Variants in ADRA1B observed in about 807,000 individuals in gnomAD.
ADRA1B encodes the protein adrenoceptor alpha 1B, also known as alpha-1B adrenergic receptor.
A neutral mutation model predicts 17.9 loss-of-function variants in ADRA1B; 17 were observed. That is an observed-to-expected ratio of 0.95 (90% CI 0.65 to 1.42). The LOEUF (loss-of-function observed/expected upper bound fraction) is 1.42, where lower values mean the gene tolerates loss of function less well. ADRA1B is among the 40% of genes most tolerant of loss of function. ADRA1B has a pLI of 0.00. For synonymous variants in ADRA1B, 366 were observed against 327.6 expected (o/e 1.12, Z -1.27); for missense variants, 681 against 722.1 (o/e 0.94, Z 0.65).
At chr5:159,875,452 C>T (rs1404842806) in intron 1 of ADRA1B, among the ~76,000 whole-genome samples, 1 of 152,146 alleles carries the variant, frequency 6.6e-6, no homozygotes, top group Non-Finnish European at 1.5e-5. Context: ...ACCCAAGTCA[C>T]AAATATATGA....
intron 1 of ADRA1B, among the ~76,000 whole-genome samples, chr5:159,882,307 A>G (rs1229034756): frequency 6.6e-6 from 1 of 152,192 alleles, no homozygotes; most frequent in African/African-American, 2.4e-5. Flanking sequence ...AGGTAGCAGG[A>G]AAGTGTACAG....
chr5:159,923,678 AG>A (rs1222893697), intron 1 of ADRA1B, among the ~76,000 whole-genome samples: 2 of 152,274 alleles, frequency 1.3e-5, no homozygotes, highest in African/African-American at 4.8e-5. Context: ...CCAACCCAAA[AG>A]CCAGGGGCTG....
chr5:159,953,394 G>A (rs1366244058), intron 1 of ADRA1B, among the ~76,000 whole-genome samples: 1 of 151,958 alleles, frequency 6.6e-6, no homozygotes, highest in Non-Finnish European at 1.5e-5. Context: ...TAGTGGCAAT[G>A]TCAAATAATG....
intron 1 of ADRA1B, chr5:159,950,579 C>A: frequency 1.6e-6 from 2 of 1,270,108 alleles, no homozygotes; most frequent in South Asian, 1.2e-5. Context: ...ATGAGCTTGA[C>A]AAAATGGTCT....
At chr5:159,877,708 A>G (rs562623433) in intron 1 of ADRA1B, among the ~76,000 whole-genome samples, 12 of 152,298 alleles carry the variant, frequency 7.9e-5, no homozygotes, top group African/African-American at 2.6e-4. Flanking sequence ...CCCATAAGGT[A>G]GGTACTGTCC....
At position 159,961,173 on chromosome 5, in the gene ADRA1B, G is replaced by A. The variant is rs150070523; in HGVS notation, c.950-10706G>A. Among the ~76,000 whole-genome samples, 83 of 152,226 alleles carry A rather than the reference G, an allele frequency of 5.5e-4. 2 individuals carry two copies. In the East Asian group the frequency reaches 0.015, roughly 27 times the overall value. On this transcript the variant is annotated intron_variant, in intron 1 of 1. Transcript: ENST00000306675. Reference sequence around the variant, plus strand: ...AGTAAAAACCCACACTTCAAAATTGGATTTTAATTAGAGTCCACCACATAC... The same window carrying A: ...AGTAAAAACCCACACTTCAAAATTGAATTTTAATTAGAGTCCACCACATAC...
chr5:159,961,380 T>C (rs1435781112), intron 1 of ADRA1B, among the ~76,000 whole-genome samples: 2 of 152,250 alleles, frequency 1.3e-5, no homozygotes, highest in African/African-American at 4.8e-5. Context: ...TTTCAGCATT[T>C]GTTTTAAAAC....
intron 1 of ADRA1B, among the ~76,000 whole-genome samples, chr5:159,960,406 G>T (rs1437760611): frequency 6.6e-6 from 1 of 152,212 alleles, no homozygotes; most frequent in Admixed American, 6.5e-5. Flanking sequence ...TGGGGCCAAG[G>T]GGGTCAACCC....
Position 159,917,147 on chromosome 5 carries a change from A to C in ADRA1B, c.242A>C (p.Asn81Thr). The C allele has an allele frequency of 6.2e-7, 1 of 1,614,058 alleles. No individual in the cohort carries two copies. ...ACNRHLRTPTNYFIVNLAMAD... is the reference protein window; with the variant it reads ...ACNRHLRTPTTYFIVNLAMAD... ...AACCGGCACCTGCGGACGCCCACCA[A>C]CTACTTCATTGTCAACCTGGCCATG... Residue 81 changes from asparagine to threonine, a missense_variant, in exon 1 of 2, where the codon AAC (asparagine) becomes ACC (threonine). Coordinates refer to ENST00000306675, the MANE Select transcript of ADRA1B (RefSeq NM_000679.4).
At chr5:159,973,039 G>C (rs1755917485), downstream of ADRA1B, among the ~76,000 whole-genome samples, 1 of 152,214 alleles carries the variant, frequency 6.6e-6, no homozygotes, top group South Asian at 2.1e-4. Flanking sequence ...GTGGACGAGC[G>C]GCAGGCAGAG....
chr5:159,913,167 C>G (rs1439985767), upstream of ADRA1B, among the ~76,000 whole-genome samples: 1 of 152,184 alleles, frequency 6.6e-6, no homozygotes, highest in Non-Finnish European at 1.5e-5. Flanking sequence ...TCAGAGGTTT[C>G]TAATGCAATA....
At position 159,972,135 on chromosome 5, in the gene ADRA1B, G is replaced by A; in HGVS notation, c.1206G>A (p.Ser402=). The A allele has an allele frequency of 7.5e-7, 1 of 1,334,562 alleles. No individual in the cohort carries two copies. Among genetic ancestry groups the A allele is most frequent in the South Asian group, 2.0e-5 (1 of 50,908 alleles). The allele number at this position is 1,334,562 out of a possible 1,614,324, so 82.7% of individuals were successfully genotyped here. The change falls in exon 2 of 2, where the codon TCG becomes TCA. Residue 402 remains serine (S), a synonymous_variant. Coordinates refer to ENST00000306675, the MANE Select transcript of ADRA1B (RefSeq NM_000679.4). ...GCGGCTCGCTGGAGCGCTCGCAGTC[G>A]CGCAAGGACTCGCTGGACGACAGCG... is the stretch of plus-strand genomic sequence containing the variant. ...TRGGSLERSQ[S]RKDSLDDSGS...
At chr5:159,984,371 T>C in the ADRA1B span, among the ~76,000 whole-genome samples, 1 of 152,194 alleles carries the variant, frequency 6.6e-6, no homozygotes, top group Non-Finnish European at 1.5e-5. Flanking sequence ...TTCCCCTGAT[T>C]GCACAAAATA....
chr5:159,866,110 T>C (rs1211820957), intron 1 of ADRA1B, among the ~76,000 whole-genome samples: 1 of 152,134 alleles, frequency 6.6e-6, no homozygotes, highest in African/African-American at 2.4e-5. Flanking sequence ...ATGCCCAGCC[T>C]GGGCAGCATA....
intron 1 of ADRA1B, among the ~76,000 whole-genome samples, chr5:159,937,286 T>G (rs1039154095): frequency 3.3e-5 from 5 of 152,180 alleles, no homozygotes; most frequent in African/African-American, 1.2e-4. Context: ...TCCCAGCAGA[T>G]TATGAGGAAG....
At chr5:159,897,121 G>A (rs763764050) in intron 1 of ADRA1B, among the ~76,000 whole-genome samples, 1 of 152,198 alleles carries the variant, frequency 6.6e-6, no homozygotes, top group Non-Finnish European at 1.5e-5. Context: ...GGAGGAAAAT[G>A]CAGCTTTTTA....
Position 159,879,356 on chromosome 5 carries a change from C to T in ADRA1B, c.-256+14150C>T, listed in dbSNP as rs200676778. On this transcript the variant is annotated intron_variant, in intron 1 of 2. Transcript: ENST00000641205. ...ACAGCGCTTCTGCTGGCTCCAGCAGCAACAGGCGCCTGCCTGTAAGCACGA... is the reference window on the plus strand; with the variant it reads ...ACAGCGCTTCTGCTGGCTCCAGCAGTAACAGGCGCCTGCCTGTAAGCACGA... Among the ~76,000 whole-genome samples, 21 of 152,280 alleles carry T rather than the reference C, an allele frequency of 1.4e-4. No homozygotes were observed. The East Asian group carries it at 2.9e-3, about 21-fold the overall frequency.
Position 159,881,299 on chromosome 5 carries a change from T to TTCTC in ADRA1B, c.-256+16137_-256+16140dup, listed in dbSNP as rs11471058. Among the ~76,000 whole-genome samples, 235 of 132,042 alleles carry TTCTC rather than the reference T, an allele frequency of 1.8e-3. 12 individuals are homozygous for TTCTC. The highest frequency in any genetic ancestry group is 2.1e-3 in the Non-Finnish European group (130 of 60,552). The allele number at this position is 132,042 out of a possible 152,430, so 86.6% of individuals were successfully genotyped here. A position where few individuals can be genotyped will look rare whatever the true frequency, so the allele number is the denominator to read the frequency against. On this transcript the variant is annotated intron_variant, in intron 1 of 2. Transcript: ENST00000641205. ...GTGGAATGAGAACAATATCAGAAAG[T>TTCTC]TCTCTCTCTCTCTCTCTCTCTCTCT...
At chr5:159,901,061 T>C (rs1754095256) in intron 1 of ADRA1B, among the ~76,000 whole-genome samples, 1 of 151,872 alleles carries the variant, frequency 6.6e-6, no homozygotes, top group African/African-American at 2.4e-5. Context: ...ATATTCATTA[T>C]ATTATGTTTT....
Sources: gnomAD v4.1 joint callset for allele counts (sites outside exome capture counted in the v4.1 genomes callset) on GRCh38, gnomAD v4.1.1 for gene constraint, MANE v1.5 for transcripts, NCBI Gene and HGNC (gene_info 2026-07-23, HGNC 2026-07-21) for gene names.